GRID1: variants seen among roughly 807,000 people sequenced by gnomAD.
GRID1 encodes the protein glutamate receptor ionotropic, delta-1.
In GRID1, 28 loss-of-function variants were observed where a neutral mutation model predicts 98.0. The observed-to-expected ratio is 0.29, with a 90% confidence interval of 0.21 to 0.39. The LOEUF is 0.39. GRID1 is among the 10% of genes least tolerant of loss of function. The pLI is 1.00. For missense variants in GRID1, 1,111 were observed against 1,340.5 expected, an observed-to-expected ratio of 0.83 and a Z score of 2.67; for synonymous variants, 553 against 538.5, an observed-to-expected ratio of 1.03 and a Z score of -0.37.
intron 4 of GRID1, among the ~76,000 whole-genome samples, chr10:86,084,723 A>G (rs1046618664): frequency 6.6e-6 from 1 of 152,254 alleles, no homozygotes; most frequent in Non-Finnish European, 1.5e-5. Context: ...ATTCTGACAT[A>G]TGCTACAACA....
intron 4 of GRID1, among the ~76,000 whole-genome samples, chr10:86,030,181 A>T (rs1843167358): frequency 6.6e-6 from 1 of 152,256 alleles, no homozygotes; most frequent in Admixed American, 6.5e-5. Context: ...TATGTAAAGA[A>T]GGTTATAAAG....
rs545861172 is a variant in GRID1, at chr10:85,881,512, A to G, written c.781-12332T>C. On this transcript the variant is annotated intron_variant, in intron 5 of 15. Coordinates refer to ENST00000327946, the MANE Select transcript of GRID1 (RefSeq NM_017551.3). Reference sequence around the variant, plus strand: ...GATCTTTGACAAACCTGACAAAAACAAGCAATGGGGAAAGGATTCCCTATT... The same window carrying G: ...GATCTTTGACAAACCTGACAAAAACGAGCAATGGGGAAAGGATTCCCTATT... Among the ~76,000 whole-genome samples, 580 of 152,344 alleles carry G rather than the reference A, an allele frequency of 3.8e-3. 3 individuals are homozygous for G. Among genetic ancestry groups the G allele is most frequent in the African/African-American group, 0.013 (550 of 41,572 alleles).
chr10:86,044,591 T>C (rs1375378310), intron 4 of GRID1, among the ~76,000 whole-genome samples: 3 of 152,144 alleles, frequency 2.0e-5, no homozygotes, highest in Admixed American at 2.0e-4. Flanking sequence ...CCTAAAAACC[T>C]TACTCAAAAG....
At chr10:86,028,358 G>C (rs763656095) in intron 4 of GRID1, among the ~76,000 whole-genome samples, 10 of 152,144 alleles carry the variant, frequency 6.6e-5, no homozygotes, top group Non-Finnish European at 1.0e-4. Flanking sequence ...CAAGGCTATG[G>C]AATTAAGGTC....
chr10:85,767,506 CT>C (rs1194702913), intron 8 of GRID1, among the ~76,000 whole-genome samples: 2 of 152,110 alleles, frequency 1.3e-5, no homozygotes, highest in Admixed American at 6.5e-5. Flanking sequence ...GGAAAAAGAA[CT>C]TTGTTAAATG....
chr10:85,897,977 A>G (rs1365829549), intron 5 of GRID1, among the ~76,000 whole-genome samples: 1 of 152,152 alleles, frequency 6.6e-6, no homozygotes, highest in Non-Finnish European at 1.5e-5. Context: ...ACATTGCTTA[A>G]TGACAGGGAT....
At chr10:85,642,761 G>C (rs1404305123) in intron 13 of GRID1, among the ~76,000 whole-genome samples, 2 of 152,148 alleles carry the variant, frequency 1.3e-5, no homozygotes, top group Non-Finnish European at 2.9e-5. Flanking sequence ...TCCTTTATTT[G>C]CATCTTTTGC....
chr10:86,144,759 C>T (rs1055607672), intron 3 of GRID1, among the ~76,000 whole-genome samples: 3 of 152,218 alleles, frequency 2.0e-5, no homozygotes, highest in Admixed American at 1.3e-4. Context: ...CGGTCACACT[C>T]CCACTAGTCC....
intron 8 of GRID1, among the ~76,000 whole-genome samples, chr10:85,771,180 G>A (rs1295884586): frequency 2.0e-5 from 3 of 152,104 alleles, no homozygotes; most frequent in Admixed American, 6.5e-5. Flanking sequence ...ACACTCTTAA[G>A]GAAAAGAATT....
chr10:86,048,115 CA>C (rs964016879), intron 4 of GRID1, among the ~76,000 whole-genome samples: 14 of 152,260 alleles, frequency 9.2e-5, no homozygotes, highest in Admixed American at 1.3e-4. Flanking sequence ...AAGCAAATTC[CA>C]GATGCCCAGT....
intron 5 of GRID1, among the ~76,000 whole-genome samples, chr10:85,909,062 T>C (rs538619584): frequency 3.3e-5 from 5 of 152,288 alleles, no homozygotes; most frequent in African/African-American, 1.2e-4. Flanking sequence ...TATCCCAATG[T>C]AAAAAGAATT....
At chr10:86,320,858 G>C (rs1402543307) in intron 2 of GRID1, among the ~76,000 whole-genome samples, 1 of 152,096 alleles carries the variant, frequency 6.6e-6, no homozygotes, top group Non-Finnish European at 1.5e-5. Flanking sequence ...CCAGCACTTT[G>C]GGAGGCTGAG....
chr10:85,838,897 A>C (rs1411958572), intron 8 of GRID1, among the ~76,000 whole-genome samples: 1 of 152,100 alleles, frequency 6.6e-6, no homozygotes, highest in African/African-American at 2.4e-5. Flanking sequence ...TCTTCAAGAG[A>C]CCCATCTCAC....
chr10:86,012,664 C>T (rs1239352115), intron 4 of GRID1, among the ~76,000 whole-genome samples: 2 of 152,132 alleles, frequency 1.3e-5, no homozygotes, highest in East Asian at 3.9e-4. Context: ...TGGGAGGTAA[C>T]TGGATCATGA....
At position 86,157,861 on chromosome 10, in the gene GRID1, T is replaced by C. The variant is rs545427558; in HGVS notation, c.521-18837A>G. On this transcript the variant is annotated intron_variant, in intron 3 of 15. Transcript: ENST00000327946. ...CCATCATTATGCAAAATATAGGAGA[T>C]AGTAGCCTCCTCGGGACTGTCCATA... Among the ~76,000 whole-genome samples, 40 of 152,286 alleles carry C rather than the reference T, an allele frequency of 2.6e-4. 1 individual carries two copies. In the South Asian group the frequency reaches 6.0e-3, roughly 23 times the overall value.
At chr10:85,879,802 A>G (rs1840971667) in intron 5 of GRID1, among the ~76,000 whole-genome samples, 1 of 152,218 alleles carries the variant, frequency 6.6e-6, no homozygotes, top group Non-Finnish European at 1.5e-5. Context: ...AGAGACACAA[A>G]AAACCCTTCA....
intron 4 of GRID1, among the ~76,000 whole-genome samples, chr10:85,930,149 GTTAT>G (rs1841829032): frequency 6.6e-6 from 1 of 150,416 alleles, no homozygotes; most frequent in Non-Finnish European, 1.5e-5. Flanking sequence ...ATAACTTGCG[GTTAT>G]TTATAACTAC....
rs929560778 is a variant in GRID1, at chr10:86,186,914, G to C, written c.520+19450C>G. The stretch of plus-strand genomic sequence containing the variant: ...TTAGAGAGAAGCAAACTGAGGTAGA[G>C]AGACTAACTCCCAGGCAGAAGCAAC... On this transcript the variant is annotated intron_variant, in intron 3 of 15. Coordinates refer to ENST00000327946, the MANE Select transcript of GRID1 (RefSeq NM_017551.3). Among the ~76,000 whole-genome samples, 3 of 152,208 alleles carry C rather than the reference G, an allele frequency of 2.0e-5. No homozygotes were observed. In the South Asian group the frequency reaches 6.2e-4, roughly 32 times the overall value.
At chr10:85,878,533 G>T (rs1450916605) in intron 5 of GRID1, among the ~76,000 whole-genome samples, 2 of 152,156 alleles carry the variant, frequency 1.3e-5, no homozygotes, top group Non-Finnish European at 2.9e-5. Context: ...ATTCATAAGT[G>T]AAGGAGAAAT....
Sources: allele counts gnomAD v4.1 joint callset (sites outside exome capture counted in the v4.1 genomes callset), GRCh38; gene constraint gnomAD v4.1.1; transcripts MANE v1.5; gene names NCBI Gene and HGNC (gene_info 2026-07-23, HGNC 2026-07-21).